ARL15: variants seen among roughly 807,000 people sequenced by gnomAD.
ARL15 encodes the protein ARF like GTPase 15.
In ARL15, 19 loss-of-function variants were observed where a neutral mutation model predicts 25.2. The observed-to-expected ratio is 0.75, with a 90% CI of 0.53 to 1.10. The LOEUF (loss-of-function observed/expected upper bound fraction) is 1.10. Among genes scored for constraint, ARL15 ranks in the 50% least tolerant of loss-of-function variants. ARL15 has a pLI of 0.00. For missense variants in ARL15, 220 were observed against 246.0 expected (o/e 0.89, Z 0.71); for synonymous variants, 94 against 86.8 (o/e 1.08, Z -0.46).
At chr5:54,258,010 T>G (rs546821173) in intron 1 of ARL15, among the ~76,000 whole-genome samples, 1 of 152,086 alleles carries the variant, frequency 6.6e-6, no homozygotes, top group Non-Finnish European at 1.5e-5. Context: ...TCACACGGGC[T>G]GCTGAGCTCA....
chr5:53,973,292 G>A (rs1219122012), intron 4 of ARL15, among the ~76,000 whole-genome samples: 4 of 152,044 alleles, frequency 2.6e-5, no homozygotes, highest in Non-Finnish European at 5.9e-5. Context: ...TAAAAAATTA[G>A]GCCGGGCATG....
chr5:54,016,254 T>A (rs572614681), intron 4 of ARL15, among the ~76,000 whole-genome samples: 1 of 152,298 alleles, frequency 6.6e-6, no homozygotes, highest in South Asian at 2.1e-4. Flanking sequence ...TCCTTTGAAT[T>A]TTTTCCAAGT....
At chr5:54,239,589 C>T (rs1356281502) in intron 1 of ARL15, among the ~76,000 whole-genome samples, 8 of 152,108 alleles carry the variant, frequency 5.3e-5, no homozygotes, top group African/African-American at 1.9e-4. Flanking sequence ...TCCAGCCTCA[C>T]TTGTAGTTAA....
At chr5:53,908,505 A>G (rs1035871585) in intron 4 of ARL15, among the ~76,000 whole-genome samples, 5 of 152,210 alleles carry the variant, frequency 3.3e-5, no homozygotes, top group African/African-American at 1.2e-4. Context: ...TGCAAATACT[A>G]CACCATTTTC....
intron 4 of ARL15, among the ~76,000 whole-genome samples, chr5:54,092,508 C>T (rs919454556): frequency 2.0e-5 from 3 of 152,130 alleles, no homozygotes; most frequent in East Asian, 1.9e-4. Context: ...TTGTATGGCT[C>T]ATATGGTAGA....
chr5:54,275,801 C>T (rs1757913498), intron 1 of ARL15, among the ~76,000 whole-genome samples: 1 of 151,642 alleles, frequency 6.6e-6, no homozygotes, highest in Admixed American at 6.6e-5. Context: ...TCTCCTGCCT[C>T]AGCCTCCCGA....
At chr5:54,166,448 G>A (rs577331296) in intron 2 of ARL15, among the ~76,000 whole-genome samples, 90 of 152,162 alleles carry the variant, frequency 5.9e-4, no homozygotes, top group Admixed American at 1.3e-3. Context: ...TGATACTTCC[G>A]CCTCAGCTTC....
intron 1 of ARL15, among the ~76,000 whole-genome samples, chr5:54,206,420 G>A (rs1488980368): frequency 6.6e-6 from 1 of 152,132 alleles, no homozygotes; most frequent in Non-Finnish European, 1.5e-5. Context: ...AGAAATGCAT[G>A]TTTAAATACT....
chr5:54,154,012 A>G (rs536656942), intron 3 of ARL15, among the ~76,000 whole-genome samples: 2 of 152,322 alleles, frequency 1.3e-5, no homozygotes, highest in East Asian at 3.9e-4. Flanking sequence ...ATCTATTTAC[A>G]TGGGTTAAGA....
chr5:54,205,885 G>A (rs1755852473), intron 1 of ARL15, among the ~76,000 whole-genome samples: 2 of 152,236 alleles, frequency 1.3e-5, no homozygotes, highest in Non-Finnish European at 2.9e-5. Context: ...ATTTTCTGGT[G>A]AATGGAGAAG....
At chr5:54,080,567 A>G (rs1272091718) in intron 4 of ARL15, among the ~76,000 whole-genome samples, 1 of 152,216 alleles carries the variant, frequency 6.6e-6, no homozygotes, top group Non-Finnish European at 1.5e-5. Context: ...TTGTGTTTTT[A>G]GATTTTAACT....
At chr5:54,056,710 A>G (rs1436479882) in intron 4 of ARL15, among the ~76,000 whole-genome samples, 3 of 151,896 alleles carry the variant, frequency 2.0e-5, no homozygotes, top group Non-Finnish European at 4.4e-5. Context: ...GGGGGATGCC[A>G]GAGGCCACTA....
At chr5:54,261,026 G>A (rs895020122) in intron 1 of ARL15, among the ~76,000 whole-genome samples, 26 of 152,162 alleles carry the variant, frequency 1.7e-4, no homozygotes, top group Non-Finnish European at 3.4e-4. Flanking sequence ...CTAGAAGACA[G>A]GCCAGTAGGT....
intron 2 of ARL15, among the ~76,000 whole-genome samples, chr5:54,162,024 C>CACACACACACACACAGAG (rs148833900): frequency 4.8e-5 from 7 of 145,338 alleles, no homozygotes; most frequent in African/African-American, 8.0e-5. Flanking sequence ...CACACACACA[C>CACACACACACACACAGAG]AGAGAGAGAT....
At chr5:54,123,549 A>G (rs1038672669) in intron 3 of ARL15, among the ~76,000 whole-genome samples, 2 of 152,208 alleles carry the variant, frequency 1.3e-5, no homozygotes, top group Non-Finnish European at 2.9e-5. Flanking sequence ...GATGCTAGTA[A>G]CATGATCATC....
intron 3 of ARL15, among the ~76,000 whole-genome samples, chr5:54,125,075 G>T (rs865875733): frequency 1.6e-3 from 221 of 134,982 alleles, no homozygotes; most frequent in South Asian, 6.0e-3. Context: ...TTTTTGTTTT[G>T]TTTTGTTTTG....
At chr5:54,292,394 G>A (rs540099907) in intron 1 of ARL15, among the ~76,000 whole-genome samples, 6 of 152,244 alleles carry the variant, frequency 3.9e-5, no homozygotes, top group African/African-American at 1.4e-4. Flanking sequence ...CTGACATGTC[G>A]TGTGGATAAG....
intron 1 of ARL15, among the ~76,000 whole-genome samples, chr5:54,252,771 C>A (rs1757267653): frequency 6.6e-6 from 1 of 152,208 alleles, no homozygotes; most frequent in African/African-American, 2.4e-5. Flanking sequence ...ATCACCCAGG[C>A]TGGAGTGCAG....
chr5:54,135,302 T>G (rs1008472481), intron 3 of ARL15, among the ~76,000 whole-genome samples: 2 of 152,126 alleles, frequency 1.3e-5, no homozygotes, highest in Non-Finnish European at 1.5e-5. Context: ...TAAAAAGAGA[T>G]GAATATCACT....
Sources: gnomAD v4.1 joint callset for allele counts (sites outside exome capture counted in the v4.1 genomes callset) on GRCh38, gnomAD v4.1.1 for gene constraint, MANE v1.5 for transcripts, NCBI Gene and HGNC (gene_info 2026-07-23, HGNC 2026-07-21) for gene names.